TES: variants seen among roughly 807,000 people sequenced by gnomAD.
The protein encoded by TES is testin LIM domain protein.
TES carries 41 observed loss-of-function variants against 48.2 expected under a neutral mutation model. That is an observed-to-expected ratio of 0.85 (90% CI 0.66 to 1.10). The LOEUF (loss-of-function observed/expected upper bound fraction) is 1.10. Among genes scored for constraint, TES ranks in the 50% least tolerant of loss-of-function variants. The pLI is 0.00. For missense variants in TES, 463 were observed against 515.1 expected (o/e 0.90, Z 0.98); for synonymous variants, 162 against 174.9 (o/e 0.93, Z 0.58).
At chr7:116,255,438 G>A (rs1800084822) in intron 6 of TES, among the ~76,000 whole-genome samples, 1 of 152,184 alleles carries the variant, frequency 6.6e-6, no homozygotes, top group South Asian at 2.1e-4. Flanking sequence ...GATTCGACCT[G>A]TGATTACATG....
rs2116563175 is a variant in TES at position 116,210,611 on chromosome 7, C to T, written c.-97C>T. 1 of 1,228,122 alleles carries T rather than the reference C, an allele frequency of 8.1e-7. No homozygotes were observed. The highest frequency in any genetic ancestry group is 2.9e-5 in the South Asian group (1 of 34,382). 76.1% of individuals were successfully genotyped at this position (1,228,122 alleles called of 1,614,324 possible). ...CTGTTGAGCGGCGCCGCGGGAGTTCCGCAGGTTTCCCGTGTTCGCAGCGGA... is the reference window on the plus strand; with the variant it reads ...CTGTTGAGCGGCGCCGCGGGAGTTCTGCAGGTTTCCCGTGTTCGCAGCGGA... On this transcript the variant is annotated 5_prime_UTR_variant, in exon 1 of 7. Transcript: ENST00000358204.
intron 2 of TES, chr7:116,239,102 T>G (rs1248725774): frequency 6.6e-6 from 1 of 152,276 alleles, no homozygotes; most frequent in African/African-American, 2.4e-5. Flanking sequence ...GGTCCCTGTT[T>G]CCTTGTTGGC....
rs555988083 is a variant in TES, at chr7:116,212,980, T to C, written c.27+2246T>C. ...ATTCTTAGAATCCTCAACTGGTAAA[T>C]TGGAAGCTATTAAAAAACCGCAGAG... On this transcript the variant is annotated intron_variant, in intron 1 of 6. Coordinates refer to ENST00000358204, the MANE Select transcript of TES (RefSeq NM_015641.4). Among the ~76,000 whole-genome samples, 3 of 152,276 alleles carry C rather than the reference T, an allele frequency of 2.0e-5. No individual in the cohort carries two copies. The South Asian group carries it at 6.2e-4, about 32-fold the overall frequency.
chr7:116,227,087 ATTTTATTTATTTATTT>A (rs1285379499), intron 1 of TES, among the ~76,000 whole-genome samples: 1 of 141,288 alleles, frequency 7.1e-6, no homozygotes, highest in African/African-American at 2.6e-5. Context: ...TACACTTTTT[ATTTTATTTATTTATTT>A]ATTTATTTAT....
chr7:116,248,911 A>G (rs1325786826), intron 2 of TES, 109 bp from the exon 3 acceptor site: 2 of 1,152,354 alleles, frequency 1.7e-6, no homozygotes, highest in Non-Finnish European at 2.4e-6. Context: ...TTGCCTTTGC[A>G]TACCATGATA....
intron 1 of TES, among the ~76,000 whole-genome samples, chr7:116,228,174 G>C (rs184446370): frequency 6.6e-6 from 1 of 152,056 alleles, no homozygotes; most frequent in Admixed American, 6.5e-5. Context: ...GGGATAAAAG[G>C]GTGTTTGGAG....
intron 2 of TES, among the ~76,000 whole-genome samples, chr7:116,247,919 T>C (rs1467522560): frequency 1.3e-5 from 2 of 152,146 alleles, no homozygotes; most frequent in Non-Finnish European, 2.9e-5. Flanking sequence ...ATCACCCAGG[T>C]AGTGACCATA....
At chr7:116,210,760 C>T (rs1160067781) in intron 1 of TES, 26 bp downstream of exon 1, 27 of 1,237,784 alleles carry the variant, frequency 2.2e-5, no homozygotes, top group Admixed American at 8.6e-5. Flanking sequence ...TGGCGGGCGG[C>T]GGCTGCTTCA....
intron 3 of TES, 100 bp downstream of exon 3, chr7:116,249,372 C>T (rs777088288): frequency 2.1e-5 from 29 of 1,364,112 alleles, no homozygotes; most frequent in Non-Finnish European, 2.9e-5. Context: ...CATCCCAGAT[C>T]TGTTATTCTT....
intron 2 of TES, among the ~76,000 whole-genome samples, chr7:116,244,462 C>T (rs1044152776): frequency 6.6e-6 from 1 of 152,236 alleles, no homozygotes; most frequent in African/African-American, 2.4e-5. Context: ...CCAAAATGTC[C>T]TTTGACTTCA....
At chr7:116,251,498 C>A in intron 4 of TES, 1 of 373,446 alleles carries the variant, frequency 2.7e-6, no homozygotes, top group South Asian at 2.4e-5. Flanking sequence ...CTGGCTAACA[C>A]GGTGAAACCC....
intron 1 of TES, among the ~76,000 whole-genome samples, chr7:116,225,369 A>G (rs1179754053): frequency 6.6e-6 from 1 of 152,066 alleles, no homozygotes; most frequent in Non-Finnish European, 1.5e-5. Flanking sequence ...TTTGTCATTA[A>G]CTTAATACTG....
At chr7:116,237,552 G>A (rs1194065461) in intron 2 of TES, among the ~76,000 whole-genome samples, 1 of 151,972 alleles carries the variant, frequency 6.6e-6, no homozygotes, top group African/African-American at 2.4e-5. Context: ...CTTATTGCAT[G>A]GTGTTCTCTG....
At chr7:116,221,269 T>C (rs1799554519) in intron 1 of TES, among the ~76,000 whole-genome samples, 2 of 152,168 alleles carry the variant, frequency 1.3e-5, no homozygotes, top group South Asian at 2.1e-4. Flanking sequence ...TGCCAATCGC[T>C]ATGCAAAGGA....
Position 116,234,385 on chromosome 7 carries a change from C to T in TES, c.28-149C>T, listed in dbSNP as rs544306346. ...TGTATGTACTTGGAACTGCCATGTA[C>T]ATACCTGGGTATCATCATTGACTAA... On this transcript the variant is annotated intron_variant, in intron 1 of 6. Transcript: ENST00000358204. 1.3e-4 allele frequency: 84 copies of T among 643,524 alleles called. No homozygotes were observed. In the South Asian group the frequency reaches 1.6e-3, roughly 12 times the overall value. The allele number at this position is 643,524 out of a possible 1,614,324, so 39.9% of individuals were successfully genotyped here.
intron 1 of TES, among the ~76,000 whole-genome samples, chr7:116,231,294 C>T (rs950640637): frequency 2.0e-5 from 3 of 152,138 alleles, no homozygotes; most frequent in Non-Finnish European, 2.9e-5. Flanking sequence ...ATACCACCAG[C>T]TCTAGTAATT....
chr7:116,239,813 T>C (rs1799821329), intron 2 of TES, among the ~76,000 whole-genome samples: 1 of 152,202 alleles, frequency 6.6e-6, no homozygotes, highest in Non-Finnish European at 1.5e-5. Flanking sequence ...TGCTTTCAAG[T>C]AATATATAGA....
At chr7:116,236,676 G>A (rs1369460239) in intron 2 of TES, among the ~76,000 whole-genome samples, 1 of 152,076 alleles carries the variant, frequency 6.6e-6, no homozygotes, top group African/African-American at 2.4e-5. Flanking sequence ...ATTCCTAAGA[G>A]ATATCATCTT....
chr7:116,242,507 ATCTCTCTCTC>A (rs60510276), intron 2 of TES, among the ~76,000 whole-genome samples: 1 of 141,858 alleles, frequency 7.0e-6, no homozygotes, highest in Non-Finnish European at 1.6e-5. Flanking sequence ...TTCACCACCT[ATCTCTCTCTC>A]TCTCTCTCTC....
Sources: allele counts gnomAD v4.1 joint callset (sites outside exome capture counted in the v4.1 genomes callset), GRCh38; gene constraint gnomAD v4.1.1; transcripts MANE v1.5; gene names NCBI Gene and HGNC (gene_info 2026-07-23, HGNC 2026-07-21).